Variants in MEF2A observed in about 807,000 individuals in gnomAD.
MEF2A encodes the protein myocyte-specific enhancer factor 2A.
In MEF2A, 28 loss-of-function variants were observed where a neutral mutation model predicts 55.8. That is an observed-to-expected ratio of 0.50 (90% CI 0.37 to 0.69). MEF2A has a LOEUF of 0.69. Ranked by LOEUF, MEF2A falls within the 30% of genes least tolerant of loss-of-function variation. The pLI is 0.00. For synonymous variants in MEF2A, 239 were observed against 227.1 expected, an observed-to-expected ratio of 1.05 and a Z score of -0.47; for missense variants, 528 against 626.2, an observed-to-expected ratio of 0.84 and a Z score of 1.67.
intron 1 of MEF2A, among the ~76,000 whole-genome samples, chr15:99,594,664 G>A (rs1970557803): frequency 6.6e-6 from 1 of 151,982 alleles, no homozygotes; most frequent in African/African-American, 2.4e-5. Flanking sequence ...GGGCCCCCTA[G>A]TCACTAGTCA....
At chr15:99,654,516 G>A (rs926416051) in intron 4 of MEF2A, among the ~76,000 whole-genome samples, 1 of 150,798 alleles carries the variant, frequency 6.6e-6, no homozygotes, top group Non-Finnish European at 1.5e-5. Context: ...GGGGTATTGG[G>A]GGACAGAGCG....
intron 1 of MEF2A, among the ~76,000 whole-genome samples, chr15:99,572,777 T>G (rs143183338): frequency 6.6e-6 from 1 of 152,250 alleles, no homozygotes; most frequent in East Asian, 1.9e-4. Context: ...TCTTGTGTGC[T>G]TCTAAAGCCC....
chr15:99,682,348 AGTAAATTACCTTGAAAACT>A, intron 7 of MEF2A, among the ~76,000 whole-genome samples: 1 of 152,364 alleles, frequency 6.6e-6, no homozygotes, highest in East Asian at 1.9e-4. Flanking sequence ...GTGTTAGGAT[AGTAAATTACCTTGAAAACT>A]GGAAACACAT....
intron 4 of MEF2A, among the ~76,000 whole-genome samples, chr15:99,667,764 C>T (rs1256417747): frequency 6.6e-6 from 1 of 152,080 alleles, no homozygotes; most frequent in East Asian, 1.9e-4. Flanking sequence ...TGCACATCTA[C>T]AAACACAAAT....
chr15:99,594,874 G>A (rs142984954), intron 1 of MEF2A, among the ~76,000 whole-genome samples: 337 of 152,310 alleles, frequency 2.2e-3, no homozygotes, highest in African/African-American at 7.5e-3. Context: ...CAAAGCAGGT[G>A]TCTGTCTACA....
chr15:99,695,073 C>G (rs1377285732), intron 8 of MEF2A, among the ~76,000 whole-genome samples: 1 of 151,798 alleles, frequency 6.6e-6, no homozygotes, highest in East Asian at 1.9e-4. Flanking sequence ...TGCCCCAGTC[C>G]TAGAATCAGG....
intron 1 of MEF2A, among the ~76,000 whole-genome samples, chr15:99,573,739 A>C (rs1055774345): frequency 2.0e-5 from 3 of 152,230 alleles, no homozygotes; most frequent in Non-Finnish European, 2.9e-5. Context: ...ATGAAAATAC[A>C]TCAAAGAACT....
rs768102176 is a variant in MEF2A at position 99,712,757 on chromosome 15, G to A, written c.1504G>A (p.Ala502Thr). The A allele has an allele frequency of 2.6e-5, 41 of 1,557,426 alleles. No homozygotes were observed. The highest frequency in any genetic ancestry group is 7.1e-5 in the South Asian group (6 of 84,262). Reference protein sequence around the residue: ...SPSVKRMRMDAWVT With the variant: ...SPSVKRMRMDTWVT The stretch of plus-strand genomic sequence containing the variant: ...TTCTGTAAAGCGAATGAGGATGGAC[G>A]CGTGGGTGACCTAAGGCTTCCAAGC... The change falls in exon 12 of 12, where the codon GCG (alanine) becomes ACG (threonine). Residue 502 changes from alanine to threonine, a missense_variant. Coordinates refer to ENST00000557942, the MANE Select transcript of MEF2A (RefSeq NM_001319206.4). This position sits in a 1 kb window ranked among gnomAD's most constrained non-coding sequence, Gnocchi z 4.1.
intron 1 of MEF2A, among the ~76,000 whole-genome samples, chr15:99,585,250 A>G (rs145850277): frequency 2.0e-5 from 3 of 152,106 alleles, no homozygotes; most frequent in African/African-American, 4.8e-5. Flanking sequence ...CCATCTGTCT[A>G]TCCTACACCC....
chr15:99,698,043 A>G (rs1197956766), intron 8 of MEF2A, among the ~76,000 whole-genome samples: 2 of 152,248 alleles, frequency 1.3e-5, no homozygotes, highest in Non-Finnish European at 2.9e-5. Flanking sequence ...AAAACAACCC[A>G]AAGTCTGAAA....
chr15:99,695,766 G>A (rs1456230009), intron 8 of MEF2A, among the ~76,000 whole-genome samples: 1 of 151,994 alleles, frequency 6.6e-6, no homozygotes, highest in Non-Finnish European at 1.5e-5. Flanking sequence ...GGCTGAGGCA[G>A]GAGAATCACT....
intron 4 of MEF2A, among the ~76,000 whole-genome samples, chr15:99,660,861 T>C (rs2048503657): frequency 6.6e-6 from 1 of 152,176 alleles, no homozygotes; most frequent in African/African-American, 2.4e-5. Context: ...GTTGATGAAA[T>C]ATCAATCAGA....
At chr15:99,593,039 T>G (rs1038935573) in intron 1 of MEF2A, among the ~76,000 whole-genome samples, 2 of 152,222 alleles carry the variant, frequency 1.3e-5, no homozygotes, top group Admixed American at 1.3e-4. Context: ...TAATTTCACC[T>G]TCTTTTTCCT....
At chr15:99,700,822 A>C (rs1434828865) in intron 8 of MEF2A, among the ~76,000 whole-genome samples, 1 of 152,224 alleles carries the variant, frequency 6.6e-6, no homozygotes, top group African/African-American at 2.4e-5. Context: ...AACTAGAACA[A>C]TTTGAGTAAC....
intron 11 of MEF2A, among the ~76,000 whole-genome samples, chr15:99,711,651 A>C (rs767655940): frequency 2.6e-5 from 4 of 152,194 alleles, no homozygotes; most frequent in Non-Finnish European, 5.9e-5. Context: ...GTCCCCAGAG[A>C]GCCTGAGCTC....
At chr15:99,627,077 T>C (rs2042157012) in intron 2 of MEF2A, among the ~76,000 whole-genome samples, 1 of 152,084 alleles carries the variant, frequency 6.6e-6, no homozygotes, top group South Asian at 2.1e-4. Flanking sequence ...ACATGGAAGC[T>C]GGTCTTCAGG....
At chr15:99,682,431 G>C (rs2053411182) in intron 7 of MEF2A, among the ~76,000 whole-genome samples, 1 of 152,108 alleles carries the variant, frequency 6.6e-6, no homozygotes, top group African/African-American at 2.4e-5. Context: ...GTAGTTCCTA[G>C]GTTTGTAAAC....
intron 2 of MEF2A, among the ~76,000 whole-genome samples, chr15:99,629,987 C>T (rs1481230490): frequency 6.8e-6 from 1 of 146,880 alleles, no homozygotes; most frequent in Non-Finnish European, 1.5e-5. Flanking sequence ...CTTCTCCCTC[C>T]CCCACTCTTG....
intron 2 of MEF2A, among the ~76,000 whole-genome samples, chr15:99,605,589 A>G (rs1438450599): frequency 1.3e-5 from 2 of 152,120 alleles, no homozygotes; most frequent in Non-Finnish European, 1.5e-5. Flanking sequence ...TAAAGCATGA[A>G]CAAGTAAATT....
Sources: gnomAD v4.1 joint callset for allele counts (sites outside exome capture counted in the v4.1 genomes callset) on GRCh38, gnomAD v4.1.1 for gene constraint, Gnocchi (gnomAD v3.1) non-coding constraint, MANE v1.5 for transcripts, NCBI Gene and HGNC (gene_info 2026-07-23, HGNC 2026-07-21) for gene names.